Variants in GPR39 observed in about 807,000 individuals in gnomAD.
The protein encoded by GPR39 is G protein-coupled receptor 39.
A neutral mutation model predicts 18.4 loss-of-function variants in GPR39; 23 were observed. The ratio of observed to expected loss-of-function variants is 1.25; its 90% CI spans 0.90 to 1.77. The LOEUF (loss-of-function observed/expected upper bound fraction) is 1.77, where lower values mean the gene tolerates loss of function less well. GPR39 is among the 40% of genes most tolerant of loss of function. GPR39 has a pLI of 0.00. For synonymous variants in GPR39, 280 were observed against 257.9 expected (o/e 1.09, Z -0.82); for missense variants, 647 against 602.4 (o/e 1.07, Z -0.78).
chr2:132,417,002 T>C lies in GPR39; in HGVS notation c.-41T>C, dbSNP rs772926801. 1 of 1,592,804 alleles carries C rather than the reference T, an allele frequency of 6.3e-7. No homozygotes were observed. Among genetic ancestry groups the C allele is most frequent in the Non-Finnish European group, 8.6e-7 (1 of 1,168,120 alleles). On this transcript the variant is annotated 5_prime_UTR_variant, in exon 1 of 2. Transcript: ENST00000329321. The stretch of plus-strand genomic sequence containing the variant: ...ACGCTGCTGGGAGGAGAAAGGGAAG[T>C]TGAGAAAGTCTTTGGACCTGGTAGC...
At chr2:132,569,937 C>G (rs1259515678) in intron 1 of GPR39, among the ~76,000 whole-genome samples, 1 of 152,170 alleles carries the variant, frequency 6.6e-6, no homozygotes, top group Admixed American at 6.5e-5. Flanking sequence ...GTCTCCCCAG[C>G]CACGTGGAAC....
intron 1 of GPR39, among the ~76,000 whole-genome samples, chr2:132,493,078 T>TATATACCAC (rs1558815014): frequency 7.0e-6 from 1 of 142,262 alleles, no homozygotes; most frequent in Admixed American, 7.2e-5. Context: ...ATATACCACA[T>TATATACCAC]ATATACCATA....
intron 1 of GPR39, chr2:132,604,350 A>G (rs184972610): frequency 6.6e-6 from 1 of 152,258 alleles, no homozygotes; most frequent in Admixed American, 6.5e-5. Context: ...AGAACTGCCT[A>G]TCAGAAGCCA....
chr2:132,622,983 G>T (rs184495559), intron 1 of GPR39, among the ~76,000 whole-genome samples: 1 of 152,056 alleles, frequency 6.6e-6, no homozygotes, highest in Non-Finnish European at 1.5e-5. Flanking sequence ...GTGGTGGCGG[G>T]TGCCTGTAAT....
chr2:132,426,457 G>C (rs2104755824), intron 1 of GPR39, among the ~76,000 whole-genome samples: 1 of 152,324 alleles, frequency 6.6e-6, no homozygotes, highest in African/African-American at 2.4e-5. Context: ...GCTGCATAAA[G>C]GTTTGGTGGA....
In GPR39 at chr2:132,591,243, GCGAGACTCCGTCT is replaced by G. The variant is rs1680831543; in HGVS notation, c.857-53856_857-53844del. On this transcript the variant is annotated intron_variant, in intron 1 of 1. Transcript: ENST00000329321. ...TCCGCAGTCCGGCCTGGGCGACAGA[GCGAGACTCCGTCT>G]CAAAAAAAAAAAAAAAAAAAACAAA... Among the ~76,000 whole-genome samples the G allele has an allele frequency of 1.8e-4, 22 of 125,338 alleles. No homozygotes were observed. In the South Asian group the frequency reaches 3.2e-3, roughly 18 times the overall value. The allele number at this position is 125,338 out of a possible 152,430, so 82.2% of individuals were successfully genotyped here.
chr2:132,614,806 G>T (rs1353874616), intron 1 of GPR39, among the ~76,000 whole-genome samples: 1 of 151,808 alleles, frequency 6.6e-6, no homozygotes, highest in African/African-American at 2.4e-5. Flanking sequence ...CTCCCAAAGT[G>T]CTGGGATTAC....
intron 1 of GPR39, among the ~76,000 whole-genome samples, chr2:132,555,688 T>G (rs1299511989): frequency 6.6e-6 from 1 of 152,010 alleles, no homozygotes; most frequent in Admixed American, 6.6e-5. Flanking sequence ...AGTGATTCAA[T>G]GTGGGAGGAG....
chr2:132,579,159 T>G (rs1680581616), intron 1 of GPR39, among the ~76,000 whole-genome samples: 1 of 151,954 alleles, frequency 6.6e-6, no homozygotes, highest in Non-Finnish European at 1.5e-5. Flanking sequence ...TTGATCTTTT[T>G]TTTTTTCATT....
Position 132,417,168 on chromosome 2 carries a change from G to T in GPR39, c.126G>T (p.Val42=). Residue 42 remains valine, a synonymous_variant, in exon 1 of 2, where the codon GTG becomes GTT. Transcript: ENST00000329321. ...TTCTGGTGTACCTGATCATCTTCGT[G>T]ATGGGCCTTCTGGGGAACAGCGCCA... ...TLILVYLIIF[V]MGLLGNSATI... 1 of 1,614,154 alleles carries T rather than the reference G, an allele frequency of 6.2e-7. No homozygotes were observed. The highest frequency in any genetic ancestry group is 8.5e-7 in the Non-Finnish European group (1 of 1,180,030).
chr2:132,617,536 T>G (rs1352839062), intron 1 of GPR39, among the ~76,000 whole-genome samples: 1 of 152,226 alleles, frequency 6.6e-6, no homozygotes, highest in Non-Finnish European at 1.5e-5. Flanking sequence ...TTATTGCCAT[T>G]AGTATTACAT....
chr2:132,549,792 A>G (rs1317481961), intron 1 of GPR39, among the ~76,000 whole-genome samples: 2 of 152,202 alleles, frequency 1.3e-5, no homozygotes, highest in East Asian at 3.8e-4. Context: ...GTCTCAAAAA[A>G]AAAAGAGCTT....
At chr2:132,599,310 A>G (rs75519138) in intron 1 of GPR39, among the ~76,000 whole-genome samples, 271 of 152,310 alleles carry the variant, frequency 1.8e-3, no homozygotes, top group Non-Finnish European at 3.0e-3. Flanking sequence ...CTGCTTTCCT[A>G]TAATCAGAAG....
chr2:132,465,039 G>C (rs1680902499), intron 1 of GPR39, among the ~76,000 whole-genome samples: 1 of 152,180 alleles, frequency 6.6e-6, no homozygotes, highest in South Asian at 2.1e-4. Context: ...GATTTGACTT[G>C]CTTATTCACA....
At chr2:132,475,366 A>G (rs570715651) in intron 1 of GPR39, among the ~76,000 whole-genome samples, 2 of 151,846 alleles carry the variant, frequency 1.3e-5, no homozygotes, top group South Asian at 4.2e-4. Context: ...GGCACTGGCT[A>G]TTGGTCTGGA....
intron 1 of GPR39, among the ~76,000 whole-genome samples, chr2:132,493,161 C>CATATATACACCAT (rs1558815105): frequency 5.9e-5 from 8 of 134,610 alleles, no homozygotes; most frequent in African/African-American, 2.0e-4. Flanking sequence ...ATATATATAC[C>CATATATACACCAT]ATATATACAC....
rs1263700696 is a variant in GPR39, at chr2:132,645,969, A to G, written c.*363A>G. The G allele has an allele frequency of 2.0e-5, 22 of 1,112,296 alleles. No individual in the cohort carries two copies. Among genetic ancestry groups the G allele is most frequent in the Non-Finnish European group, 2.8e-5 (22 of 788,366 alleles). The allele number at this position is 1,112,296 out of a possible 1,614,324, so 68.9% of individuals were successfully genotyped here. A position where few individuals can be genotyped will look rare whatever the true frequency, so the allele number is the denominator to read the frequency against. On this transcript the variant is annotated 3_prime_UTR_variant, in exon 2 of 2. Transcript: ENST00000329321. ...CAGAATAAAAGGACACCCAGAAGAA[A>G]CTCACTCAGGGAGGTGGGGGGTTGG...
intron 1 of GPR39, among the ~76,000 whole-genome samples, chr2:132,459,342 T>G (rs1374418158): frequency 6.6e-6 from 1 of 152,224 alleles, no homozygotes; most frequent in East Asian, 1.9e-4. Context: ...ATAGAAAGCC[T>G]GTTTTCCAAC....
chr2:132,588,649 A>G (rs536103796), intron 1 of GPR39, among the ~76,000 whole-genome samples: 1 of 152,250 alleles, frequency 6.6e-6, no homozygotes, highest in African/African-American at 2.4e-5. Context: ...GTCAGAATTG[A>G]AAGTCTGCTT....
Sources: allele counts gnomAD v4.1 joint callset (sites outside exome capture counted in the v4.1 genomes callset), GRCh38; gene constraint gnomAD v4.1.1; transcripts MANE v1.5; gene names NCBI Gene and HGNC (gene_info 2026-07-23, HGNC 2026-07-21).